Variants in MAPKAP1 observed in about 807,000 individuals in gnomAD.
MAPKAP1 encodes the protein target of rapamycin complex 2 subunit MAPKAP1.
A neutral mutation model predicts 65.7 loss-of-function variants in MAPKAP1; 20 were observed. The observed-to-expected ratio is 0.30, with a 90% CI of 0.21 to 0.44. MAPKAP1 has a LOEUF of 0.44. Ranked by LOEUF, MAPKAP1 falls within the 20% of genes least tolerant of loss-of-function variation. The probability of loss-of-function intolerance (pLI) is 1.00; values close to 1 mark genes in which losing one functional copy is unlikely to be tolerated. For synonymous variants in MAPKAP1, 222 were observed against 244.3 expected (o/e 0.91, Z 0.85); for missense variants, 423 against 648.0 (o/e 0.65, Z 3.77).
At position 125,468,107 on chromosome 9, in the gene MAPKAP1, T is replaced by C. The variant is rs1458773194; in HGVS notation, c.1210A>G (p.Ile404Val). The change falls in exon 10 of 12, where the codon ATC (isoleucine) becomes GTC (valine). Residue 404 changes from isoleucine (I) to valine (V), a missense_variant and splice_region_variant. Ile to Val is a conservative substitution (Grantham distance 29). Transcript: ENST00000265960. ...TCTATCTCTACTTTGTCTCCAGAGATACCTGTAAGCCAAGGTGAGGACACA... is the reference window on the plus strand; with the variant it reads ...TCTATCTCTACTTTGTCTCCAGAGACACCTGTAAGCCAAGGTGAGGACACA... ...LRFTTDVQLG[I>V]SGDKVEIDPV... 3 of 1,614,028 alleles carry C rather than the reference T, an allele frequency of 1.9e-6. No homozygotes were observed. Among genetic ancestry groups the C allele is most frequent in the African/African-American group, 1.3e-5 (1 of 74,926 alleles).
intron 9 of MAPKAP1, among the ~76,000 whole-genome samples, chr9:125,478,822 A>G (rs1326343747): frequency 6.6e-6 from 1 of 152,220 alleles, no homozygotes; most frequent in African/African-American, 2.4e-5. Flanking sequence ...ACGTTCTTCC[A>G]AACTCCTCCA....
chr9:125,648,138 C>G (rs769327118), intron 4 of MAPKAP1, among the ~76,000 whole-genome samples: 5 of 152,020 alleles, frequency 3.3e-5, no homozygotes, highest in Non-Finnish European at 7.4e-5. Context: ...CTGCAAGAGT[C>G]TAGGAAAAAG....
chr9:125,449,647 T>G (rs772477938), intron 10 of MAPKAP1, among the ~76,000 whole-genome samples: 6 of 152,186 alleles, frequency 3.9e-5, no homozygotes, highest in Non-Finnish European at 5.9e-5. Flanking sequence ...AAGCAGAAAC[T>G]AATTAGTGGC....
chr9:125,659,949 C>A (rs1365422541), intron 3 of MAPKAP1, among the ~76,000 whole-genome samples: 2 of 152,150 alleles, frequency 1.3e-5, no homozygotes, highest in Non-Finnish European at 2.9e-5. Flanking sequence ...AATTTTTAAT[C>A]CTCATCTTAC....
chr9:125,593,262 C>T (rs1832024776), intron 4 of MAPKAP1, among the ~76,000 whole-genome samples: 1 of 152,096 alleles, frequency 6.6e-6, no homozygotes, highest in Admixed American at 6.5e-5. Context: ...CAAGATCATG[C>T]CACTGCACTC....
intron 4 of MAPKAP1, chr9:125,596,584 A>ACT (rs2131601021): frequency 1.5e-6 from 1 of 680,784 alleles, no homozygotes; most frequent in South Asian, 1.4e-5. Flanking sequence ...TGGCTATGGC[A>ACT]GTTCCAGTAG....
At chr9:125,687,121 C>T (rs1835006642) in intron 1 of MAPKAP1, among the ~76,000 whole-genome samples, 1 of 148,714 alleles carries the variant, frequency 6.7e-6, no homozygotes, top group Non-Finnish European at 1.5e-5. Flanking sequence ...CCACCATGCC[C>T]ATCTTTTTTT....
chr9:125,559,558 C>G, intron 6 of MAPKAP1, 75 bp downstream of exon 6: 6 of 1,450,730 alleles, frequency 4.1e-6, no homozygotes, highest in East Asian at 2.3e-5. Flanking sequence ...ATTTGATGAA[C>G]AAAACCAAAA....
At chr9:125,665,465 G>A (rs1412344591) in intron 3 of MAPKAP1, among the ~76,000 whole-genome samples, 1 of 146,450 alleles carries the variant, frequency 6.8e-6, no homozygotes, top group African/African-American at 2.4e-5. Flanking sequence ...CCTTGAGAAT[G>A]TACTTTGTGA....
intron 3 of MAPKAP1, among the ~76,000 whole-genome samples, chr9:125,661,893 C>A (rs923317035): frequency 6.6e-6 from 1 of 151,992 alleles, no homozygotes; most frequent in Admixed American, 6.6e-5. Context: ...TGTTACCCAG[C>A]AAATGACCCA....
Position 125,610,085 on chromosome 9 carries a change from C to A in MAPKAP1, c.499-24358G>T, listed in dbSNP as rs78486963. ...TCCCAAAACCAATATATTTGAAAAG[C>A]TTTTTTGGAGGGAAAGTTCTTATTT... is the stretch of plus-strand genomic sequence containing the variant. On this transcript the variant is annotated intron_variant, in intron 4 of 11. Transcript: ENST00000265960. Among the ~76,000 whole-genome samples the A allele has an allele frequency of 4.1e-3, 628 of 152,286 alleles. 6 individuals carry two copies. The highest frequency in any genetic ancestry group is 0.014 in the African/African-American group (602 of 41,556).
intron 1 of MAPKAP1, among the ~76,000 whole-genome samples, chr9:125,693,687 G>A (rs150930302): frequency 0.38 from 47,473 of 125,724 alleles, 9,219 homozygotes; most frequent in Middle Eastern, 0.43. Flanking sequence ...ATATATACAC[G>A]TATATATACA....
intron 7 of MAPKAP1, among the ~76,000 whole-genome samples, chr9:125,524,563 G>C (rs1204312742): frequency 6.6e-6 from 1 of 152,128 alleles, no homozygotes. Flanking sequence ...GCTTCTCTTT[G>C]TGCTACAAAC....
At chr9:125,522,851 T>C (rs1829658754) in intron 7 of MAPKAP1, among the ~76,000 whole-genome samples, 1 of 152,218 alleles carries the variant, frequency 6.6e-6, no homozygotes, top group South Asian at 2.1e-4. Context: ...AGACTCACTG[T>C]TCAGTGCATA....
At chr9:125,538,546 G>A (rs951593025) in intron 7 of MAPKAP1, among the ~76,000 whole-genome samples, 1 of 151,728 alleles carries the variant, frequency 6.6e-6, no homozygotes, top group Non-Finnish European at 1.5e-5. Context: ...TTTTTGGTGG[G>A]GTGGGGGGTT....
At chr9:125,691,570 G>C (rs1004001550) in intron 1 of MAPKAP1, among the ~76,000 whole-genome samples, 3 of 152,068 alleles carry the variant, frequency 2.0e-5, no homozygotes, top group Non-Finnish European at 2.9e-5. Context: ...TAAATCCATA[G>C]ATGTGAATTT....
chr9:125,440,517 C>G (rs1283993159), intron 11 of MAPKAP1, among the ~76,000 whole-genome samples: 1 of 152,222 alleles, frequency 6.6e-6, no homozygotes, highest in Non-Finnish European at 1.5e-5. Flanking sequence ...TGATTCTACT[C>G]CGAGGGCCAT....
Position 125,564,614 on chromosome 9 carries a change from A to G in MAPKAP1, c.672-4805T>C, listed in dbSNP as rs544971242. On this transcript the variant is annotated intron_variant, in intron 5 of 11. Coordinates refer to ENST00000265960, the MANE Select transcript of MAPKAP1 (RefSeq NM_001006617.3). ...CACGTCCCCTTGTTCCTAAGTGGTC[A>G]TTTTCTCTACCGAGTTCTGGAATTA... is the stretch of plus-strand genomic sequence containing the variant. Among the ~76,000 whole-genome samples the G allele has an allele frequency of 2.4e-4, 37 of 152,244 alleles. No homozygotes were observed. In the East Asian group the frequency reaches 7.1e-3, roughly 29 times the overall value.
chr9:125,586,014 T>C (rs972314945), intron 4 of MAPKAP1, among the ~76,000 whole-genome samples: 1 of 152,202 alleles, frequency 6.6e-6, no homozygotes, highest in Non-Finnish European at 1.5e-5. Flanking sequence ...TGTTTGGTGT[T>C]AGGAGGCTGG....
Sources: gnomAD v4.1 joint callset for allele counts (sites outside exome capture counted in the v4.1 genomes callset) on GRCh38, gnomAD v4.1.1 for gene constraint, MANE v1.5 for transcripts, NCBI Gene and HGNC (gene_info 2026-07-23, HGNC 2026-07-21) for gene names.